Variants in NTRK2 observed in about 807,000 individuals in gnomAD.
NTRK2 encodes the protein neurotrophic receptor tyrosine kinase 2.
A neutral mutation model predicts 94.5 loss-of-function variants in NTRK2; 13 were observed. The ratio of observed to expected loss-of-function variants is 0.14; its 90% CI spans 0.09 to 0.22. The LOEUF is 0.22. Among genes scored for constraint, NTRK2 ranks in the 10% least tolerant of loss-of-function variants. The pLI is 1.00. For synonymous variants in NTRK2, 372 were observed against 407.4 expected (o/e 0.91, Z 1.05); for missense variants, 639 against 1,071.2 (o/e 0.60, Z 5.63).
chr9:84,959,759 T>C lies in NTRK2; in HGVS notation c.2172+4242T>C, dbSNP rs559247212. ...GTTTCTTTCCTCCACTGGCAAAACC[T>C]GACATTTAGGAAACATCTGAACCAG... On this transcript the variant is annotated intron_variant, in intron 17 of 18. Transcript: ENST00000277120. Among the ~76,000 whole-genome samples the C allele has an allele frequency of 2.5e-4, 38 of 152,344 alleles. No homozygotes were observed. In the East Asian group the frequency reaches 7.1e-3, roughly 29 times the overall value.
At chr9:84,704,905 C>T (rs570383908) in intron 4 of NTRK2, among the ~76,000 whole-genome samples, 10 of 151,984 alleles carry the variant, frequency 6.6e-5, no homozygotes, top group East Asian at 1.9e-4. Context: ...TCTGCCTTTC[C>T]GGATCTTAGA....
chr9:84,945,490 T>C (rs1427811794), intron 15 of NTRK2, among the ~76,000 whole-genome samples: 1 of 152,158 alleles, frequency 6.6e-6, no homozygotes, highest in Non-Finnish European at 1.5e-5. Flanking sequence ...CTTCCATCTC[T>C]TCTATCTCCT....
In NTRK2 at chr9:84,810,190, G is replaced by A. The variant is rs573139598; in HGVS notation, c.1397-50850G>A. ...AACCTATATATAAAAATTCTTCAAG[G>A]GTCATTTGTATTGTACACAGATGTT... On this transcript the variant is annotated intron_variant, in intron 12 of 18. Coordinates refer to ENST00000277120, the MANE Select transcript of NTRK2 (RefSeq NM_006180.6). 2.6e-4 allele frequency among the ~76,000 whole-genome samples: 39 copies of A among 152,240 alleles called. 2 individuals are homozygous for A. In the South Asian group the frequency reaches 7.3e-3, roughly 28 times the overall value.
intron 14 of NTRK2, chr9:84,874,113 G>A: frequency 9.4e-7 from 1 of 1,064,842 alleles, no homozygotes; most frequent in Non-Finnish European, 1.1e-6. Flanking sequence ...GTACCAACAG[G>A]ATGAATCCAA....
intron 17 of NTRK2, among the ~76,000 whole-genome samples, chr9:85,018,980 G>A (rs1024131175): frequency 3.9e-5 from 6 of 152,152 alleles, no homozygotes; most frequent in African/African-American, 1.4e-4. Flanking sequence ...GCATCATACA[G>A]AGAAGAATGA....
intron 9 of NTRK2, among the ~76,000 whole-genome samples, chr9:84,729,849 T>A (rs1427361860): frequency 1.3e-5 from 2 of 152,196 alleles, no homozygotes; most frequent in Non-Finnish European, 2.9e-5. Flanking sequence ...CAGTAGCTTC[T>A]GTTTTGGAAA....
Position 84,707,893 on chromosome 9 carries a change from C to T in NTRK2, c.409C>T (p.His137Tyr). The T allele has an allele frequency of 2.5e-6, 4 of 1,612,774 alleles. No homozygotes were observed. The highest frequency in any genetic ancestry group is 3.4e-6 in the Non-Finnish European group (4 of 1,179,114). The stretch of plus-strand genomic sequence containing the variant: ...GAGTTTGTCTAGGAAACATTTCCGT[C>T]ACCTTGACTTGTCTGAACTGTAAGT... ...LTSLSRKHFRHLDLSELILVG... is the reference protein window; with the variant it reads ...LTSLSRKHFRYLDLSELILVG... The change falls in exon 5 of 19, where the codon CAC becomes TAC. Residue 137 changes from histidine (H) to tyrosine (Y), a missense_variant. Coordinates refer to ENST00000277120, the MANE Select transcript of NTRK2 (RefSeq NM_006180.6).
At chr9:84,828,901 T>A (rs1328404878) in intron 12 of NTRK2, among the ~76,000 whole-genome samples, 1 of 152,140 alleles carries the variant, frequency 6.6e-6, no homozygotes, top group African/African-American at 2.4e-5. Flanking sequence ...AGATAGTAGC[T>A]TGTTAGTGTT....
chr9:84,935,544 C>T (rs1160733944), intron 15 of NTRK2, among the ~76,000 whole-genome samples: 1 of 152,070 alleles, frequency 6.6e-6, no homozygotes, highest in Non-Finnish European at 1.5e-5. Flanking sequence ...GAATAAAGAA[C>T]AGGCCTTCCT....
chr9:84,895,698 C>T (rs1432963636), intron 14 of NTRK2, among the ~76,000 whole-genome samples: 2 of 152,280 alleles, frequency 1.3e-5, no homozygotes, highest in Non-Finnish European at 2.9e-5. Flanking sequence ...GTGAGCAAAT[C>T]GATAGAGTGT....
chr9:84,988,729 G>A (rs1828672344), intron 17 of NTRK2, among the ~76,000 whole-genome samples: 2 of 152,228 alleles, frequency 1.3e-5, no homozygotes, highest in Non-Finnish European at 2.9e-5. Context: ...GGCAGGCGAT[G>A]CCAGGCCACT....
chr9:84,698,384 A>AAT lies in NTRK2; in HGVS notation c.213-3758_213-3757dup, dbSNP rs10568238. On this transcript the variant is annotated intron_variant, in intron 2 of 18. Coordinates refer to ENST00000277120, the MANE Select transcript of NTRK2 (RefSeq NM_006180.6). ...CAAATATGTAGATCTGATTTAATCTAATATATATATATATATATCACCTTA... is the reference window on the plus strand; with the variant it reads ...CAAATATGTAGATCTGATTTAATCTAATATATATATATATATATATCACCTTA... Among the ~76,000 whole-genome samples the AAT allele has an allele frequency of 3.7e-3, 551 of 150,068 alleles. 4 individuals carry two copies. Among genetic ancestry groups the AAT allele is most frequent in the African/African-American group, 7.7e-3 (317 of 40,922 alleles).
At chr9:84,751,652 C>T (rs548334788) in intron 11 of NTRK2, among the ~76,000 whole-genome samples, 14 of 152,330 alleles carry the variant, frequency 9.2e-5, no homozygotes, top group African/African-American at 2.9e-4. Flanking sequence ...CTCCCTTTCT[C>T]TGCCCACCTC....
rs1186633140 is a variant in NTRK2 at position 84,847,487 on chromosome 9, C to A, written c.1397-13553C>A. Among the ~76,000 whole-genome samples, 3 of 152,146 alleles carry A rather than the reference C, an allele frequency of 2.0e-5. No homozygotes were observed. The East Asian group carries it at 5.8e-4, about 29-fold the overall frequency. On this transcript the variant is annotated intron_variant, in intron 12 of 18. Transcript: ENST00000277120. ...CAGGATCCATCTTTTGGCTCTTTTCCATTTGGGTGGCTCAACTTGAAGACA... is the reference window on the plus strand; with the variant it reads ...CAGGATCCATCTTTTGGCTCTTTTCAATTTGGGTGGCTCAACTTGAAGACA...
chr9:84,806,544 T>G (rs781760934), intron 12 of NTRK2, among the ~76,000 whole-genome samples: 6 of 152,194 alleles, frequency 3.9e-5, no homozygotes, highest in Non-Finnish European at 8.8e-5. Context: ...GATGATACCT[T>G]TGCCAAAGAG....
intron 17 of NTRK2, among the ~76,000 whole-genome samples, chr9:84,959,480 C>T (rs1824616084): frequency 6.6e-6 from 1 of 152,138 alleles, no homozygotes; most frequent in Non-Finnish European, 1.5e-5. Context: ...TGTCTCTGTG[C>T]AATTCATGGC....
chr9:84,686,508 A>G (rs1404058961), intron 2 of NTRK2, among the ~76,000 whole-genome samples: 1 of 152,264 alleles, frequency 6.6e-6, no homozygotes, highest in African/African-American at 2.4e-5. Flanking sequence ...TTTCCCTGCG[A>G]CTGCATTTAT....
intron 14 of NTRK2, among the ~76,000 whole-genome samples, chr9:84,911,315 T>C (rs930517931): frequency 6.6e-6 from 1 of 152,150 alleles, no homozygotes; most frequent in African/African-American, 2.4e-5. Flanking sequence ...GTATAAATAC[T>C]CTCTCCACTT....
At chr9:84,747,509 A>C (rs2064194754) in intron 11 of NTRK2, among the ~76,000 whole-genome samples, 1 of 120,478 alleles carries the variant, frequency 8.3e-6, no homozygotes, top group Non-Finnish European at 1.6e-5. Flanking sequence ...ATGGAGTCTC[A>C]CTCTGTCACC....
Sources: allele counts gnomAD v4.1 joint callset (sites outside exome capture counted in the v4.1 genomes callset), GRCh38; gene constraint gnomAD v4.1.1; transcripts MANE v1.5; gene names NCBI Gene and HGNC (gene_info 2026-07-23, HGNC 2026-07-21).